Variants in MAN1A1 observed in about 807,000 individuals in gnomAD.
MAN1A1 encodes the protein mannosidase alpha class 1A member 1.
A neutral mutation model predicts 70.8 loss-of-function variants in MAN1A1; 29 were observed. The ratio of observed to expected loss-of-function variants is 0.41; its 90% CI spans 0.31 to 0.56. The LOEUF (loss-of-function observed/expected upper bound fraction) is 0.56. Among genes scored for constraint, MAN1A1 ranks in the 20% least tolerant of loss-of-function variants. The probability of loss-of-function intolerance (pLI) is 0.29; values close to 1 mark genes in which losing one functional copy is unlikely to be tolerated. For missense variants in MAN1A1, 747 were observed against 841.3 expected, an observed-to-expected ratio of 0.89 and a Z score of 1.39; for synonymous variants, 349 against 330.1, an observed-to-expected ratio of 1.06 and a Z score of -0.62.
intron 6 of MAN1A1, among the ~76,000 whole-genome samples, chr6:119,218,731 G>C (rs1348565351): frequency 1.3e-5 from 2 of 152,182 alleles, no homozygotes; most frequent in African/African-American, 2.4e-5. Flanking sequence ...CTGAATGAAT[G>C]AATGAATATG....
Position 119,244,063 on chromosome 6 carries a change from T to C in MAN1A1, c.992+4197A>G, listed in dbSNP as rs914318647. On this transcript the variant is annotated intron_variant, in intron 6 of 12. Coordinates refer to ENST00000368468, the MANE Select transcript of MAN1A1 (RefSeq NM_005907.4). ...CAGACTGTATGCCCTGTGATAGAAATGAATAATGGGAACATTAACTACATT... is the reference window on the plus strand; with the variant it reads ...CAGACTGTATGCCCTGTGATAGAAACGAATAATGGGAACATTAACTACATT... 2.0e-5 allele frequency among the ~76,000 whole-genome samples: 3 copies of C among 152,162 alleles called. No homozygotes were observed. In the East Asian group the frequency reaches 5.8e-4, roughly 29 times the overall value.
At chr6:119,207,362 C>T (rs1773893477) in intron 6 of MAN1A1, among the ~76,000 whole-genome samples, 1 of 152,086 alleles carries the variant, frequency 6.6e-6, no homozygotes, top group African/African-American at 2.4e-5. Context: ...GAAAGGACAT[C>T]TTTGGTTACC....
chr6:119,237,532 C>G (rs549214493), intron 6 of MAN1A1, among the ~76,000 whole-genome samples: 1 of 152,010 alleles, frequency 6.6e-6, no homozygotes, highest in Admixed American at 6.6e-5. Flanking sequence ...TTTTGTCTTG[C>G]GTTTCTTTTC....
intron 5 of MAN1A1, among the ~76,000 whole-genome samples, chr6:119,263,624 T>A (rs188598547): frequency 6.6e-6 from 1 of 152,242 alleles, no homozygotes; most frequent in Non-Finnish European, 1.5e-5. Flanking sequence ...CCTACCTATA[T>A]ACCAAACCTG....
intron 5 of MAN1A1, among the ~76,000 whole-genome samples, chr6:119,252,273 C>T (rs867369439): frequency 5.3e-5 from 8 of 152,160 alleles, no homozygotes; most frequent in Admixed American, 2.0e-4. Flanking sequence ...GGTTATGTTA[C>T]ATATAATTTT....
intron 5 of MAN1A1, among the ~76,000 whole-genome samples, chr6:119,264,987 T>C (rs1165188643): frequency 1.3e-5 from 2 of 152,170 alleles, no homozygotes; most frequent in Non-Finnish European, 2.9e-5. Context: ...AATAACATAA[T>C]TGAGAAACAT....
At chr6:119,296,390 G>T (rs1435068761) in intron 4 of MAN1A1, among the ~76,000 whole-genome samples, 1 of 152,116 alleles carries the variant, frequency 6.6e-6, no homozygotes, top group Non-Finnish European at 1.5e-5. Context: ...CTCTTGGTAG[G>T]TATTCCCTAG....
chr6:119,242,118 A>G (rs1775027616), intron 6 of MAN1A1, among the ~76,000 whole-genome samples: 1 of 73,594 alleles, frequency 1.4e-5, no homozygotes, highest in African/African-American at 4.6e-5. Flanking sequence ...GGCTATTTAT[A>G]ACAGACAGAC....
chr6:119,299,967 A>C (rs1020254819), intron 4 of MAN1A1, among the ~76,000 whole-genome samples: 1 of 152,194 alleles, frequency 6.6e-6, no homozygotes, highest in East Asian at 1.9e-4. Context: ...AAAAACCGCT[A>C]TTATATTTGA....
rs568470185 is a variant in MAN1A1 at position 119,204,617 on chromosome 6, T to C, written c.1116+142A>G. The C allele has an allele frequency of 4.2e-5, 42 of 996,672 alleles. No homozygotes were observed. The African/African-American group carries it at 6.0e-4, about 14-fold the overall frequency. The allele number at this position is 996,672 out of a possible 1,614,324, so 61.7% of individuals were successfully genotyped here. A position where few individuals can be genotyped will look rare whatever the true frequency, so the allele number is the denominator to read the frequency against. On this transcript the variant is annotated intron_variant, in intron 7 of 12. Transcript: ENST00000368468. ...AGGTTTACAGTTTGGCTAAATGAAA[T>C]GCTGCATGTTGCAAAACTTCAGAAA...
intron 7 of MAN1A1, 77 bp downstream of exon 7, chr6:119,204,682 T>G: frequency 1.3e-6 from 2 of 1,549,336 alleles, no homozygotes; most frequent in South Asian, 2.4e-5. Context: ...ACTTCAAAAA[T>G]TCCTAAACCT....
chr6:119,252,455 T>C (rs2114333162), intron 5 of MAN1A1, among the ~76,000 whole-genome samples: 1 of 152,262 alleles, frequency 6.6e-6, no homozygotes, highest in Admixed American at 6.5e-5. Context: ...CAACAACACA[T>C]TTGGCCCAGG....
Position 119,244,575 on chromosome 6 carries a change from G to C in MAN1A1, c.992+3685C>G, listed in dbSNP as rs372161160. Among the ~76,000 whole-genome samples the C allele has an allele frequency of 2.4e-3, 360 of 152,194 alleles. 2 individuals are homozygous for C. Among genetic ancestry groups the C allele is most frequent in the Admixed American group, 3.9e-3 (59 of 15,268 alleles). On this transcript the variant is annotated intron_variant, in intron 6 of 12. Coordinates refer to ENST00000368468, the MANE Select transcript of MAN1A1 (RefSeq NM_005907.4). ...TTTTTTCTGAACCGCTTTTGGGATA[G>C]AGTTCCTCATGTAGTATATGAGTGA...
Position 119,177,755 on chromosome 6 carries a change from G to C in MAN1A1, c.*2064C>G, listed in dbSNP as rs990344263. 6.6e-6 allele frequency: 1 copy of C among 151,988 alleles called. No homozygotes were observed. Among genetic ancestry groups the C allele is most frequent in the Non-Finnish European group, 1.5e-5 (1 of 67,934 alleles). 9.4% of individuals were successfully genotyped at this position (151,988 alleles called of 1,614,324 possible). A position where few individuals can be genotyped will look rare whatever the true frequency, so the allele number is the denominator to read the frequency against. ...CACTGAGAGAGCAACATATAGTACA[G>C]CTTCTTGTCTATTCACACCAGGACA... is the stretch of plus-strand genomic sequence containing the variant. On this transcript the variant is annotated 3_prime_UTR_variant, in exon 13 of 13. Transcript: ENST00000368468.
At chr6:119,240,014 A>G (rs1299901965) in intron 6 of MAN1A1, among the ~76,000 whole-genome samples, 6 of 152,224 alleles carry the variant, frequency 3.9e-5, no homozygotes, top group Non-Finnish European at 8.8e-5. Flanking sequence ...CATTAAAATA[A>G]CTATAATTGT....
chr6:119,230,307 A>C (rs2114278937), intron 6 of MAN1A1, among the ~76,000 whole-genome samples: 1 of 152,304 alleles, frequency 6.6e-6, no homozygotes, highest in South Asian at 2.1e-4. Context: ...GAATTAATTA[A>C]ACACAAACAC....
intron 6 of MAN1A1, among the ~76,000 whole-genome samples, chr6:119,244,339 A>C (rs1409374727): frequency 6.6e-6 from 1 of 152,004 alleles, no homozygotes; most frequent in African/African-American, 2.4e-5. Context: ...AAAGGCAATG[A>C]TTTTCTTTTA....
In MAN1A1 at chr6:119,177,562, A is replaced by G. The variant is rs1582669088; in HGVS notation, c.*2257T>C. 6.6e-6 allele frequency: 1 copy of G among 152,086 alleles called. No homozygotes were observed. The highest frequency in any genetic ancestry group is 1.5e-5 in the Non-Finnish European group (1 of 67,928). 9.4% of individuals were successfully genotyped at this position (152,086 alleles called of 1,614,324 possible). Reference sequence around the variant, plus strand: ...ATTTAACTGCACAGTTTTGTTGAAAATAAGTTTCAACAATAAGACTTCAGT... The same window carrying G: ...ATTTAACTGCACAGTTTTGTTGAAAGTAAGTTTCAACAATAAGACTTCAGT... On this transcript the variant is annotated 3_prime_UTR_variant, in exon 13 of 13. Transcript: ENST00000368468.
At chr6:119,275,778 C>A (rs1464237156) in intron 5 of MAN1A1, among the ~76,000 whole-genome samples, 1 of 152,140 alleles carries the variant, frequency 6.6e-6, no homozygotes. Context: ...AGGTATGTAA[C>A]TGATAAGCAA....
Sources: gnomAD v4.1 joint callset for allele counts (sites outside exome capture counted in the v4.1 genomes callset) on GRCh38, gnomAD v4.1.1 for gene constraint, MANE v1.5 for transcripts, NCBI Gene and HGNC (gene_info 2026-07-23, HGNC 2026-07-21) for gene names.